DEFA4: variants seen among roughly 807,000 people sequenced by gnomAD.
DEFA4 encodes corticostatin.
DEFA4 carries 8 observed loss-of-function variants against 4.4 expected under a neutral mutation model. The observed-to-expected ratio is 1.82, with a 90% confidence interval of 1.07 to 3.29. The LOEUF is 3.29. Ranked by LOEUF, DEFA4 falls within the 30% of genes most tolerant of loss-of-function variation. The pLI is 0.00. For synonymous variants in DEFA4, 77 were observed against 46.5 expected (o/e 1.66, Z -2.67); for missense variants, 216 against 127.0 (o/e 1.70, Z -3.37).
At chr8:6,936,176 C>T (rs752817815) in intron 2 of DEFA4, 35 bp from the exon 3 acceptor site, 2 of 1,610,554 alleles carry the variant, frequency 1.2e-6, no homozygotes, top group East Asian at 2.2e-5. Context: ...AAATTAAGCA[C>T]CAAGGTCAGC....
In DEFA4 at chr8:6,936,956, C is replaced by T. The variant is rs1351672032; in HGVS notation, c.-12-45G>A. The T allele has an allele frequency of 4.2e-6, 6 of 1,435,478 alleles. No homozygotes were observed. In the African/African-American group the frequency reaches 5.8e-5, roughly 14 times the overall value. The allele number at this position is 1,435,478 out of a possible 1,614,324, so 88.9% of individuals were successfully genotyped here. The stretch of plus-strand genomic sequence containing the variant: ...AGCAGCTGTGTGGGGAGGGAGAAGC[C>T]AGCTTGGATTTATAGCTTTGCTGGG... On this transcript the variant is annotated intron_variant, in intron 1 of 2. Coordinates refer to ENST00000297435, the MANE Select transcript of DEFA4 (RefSeq NM_001925.3).
chr8:6,936,618 A>T, intron 2 of DEFA4, 110 bp downstream of exon 2: 1 of 1,141,996 alleles, frequency 8.8e-7, no homozygotes, highest in Non-Finnish European at 1.2e-6. Flanking sequence ...AGGCCCAGAG[A>T]TGGTAAGTAA....
rs778407528 is a variant in DEFA4, at chr8:6,936,752, T to C, written c.148A>G (p.Lys50Glu). The change falls in exon 2 of 3, where the codon AAA becomes GAA. Residue 50 changes from lysine to glutamate, a missense_variant. Lys to Glu is a moderately conservative substitution (Grantham distance 56). Transcript: ENST00000297435. ...CCTGAAACCTGAAGAGCAGAGCTTT[T>C]ATCCCATGCAAAGGAAATAGATATG... ...QDISISFAWD[K>E]SSALQVSGST... The C allele has an allele frequency of 1.1e-5, 17 of 1,610,504 alleles. No individual in the cohort carries two copies. The highest frequency in any genetic ancestry group is 1.6e-4 in the Middle Eastern group (1 of 6,078).
rs567102077 is a variant in DEFA4 at position 6,938,015 on chromosome 8, C to T, written c.-13+211G>A. Among the ~76,000 whole-genome samples, 7 of 152,180 alleles carry T rather than the reference C, an allele frequency of 4.6e-5. No individual in the cohort carries two copies. The South Asian group carries it at 6.2e-4, about 14-fold the overall frequency. ...TTTATTGGACATGTCAAGTAGGACA[C>T]GTGTGTTTGGAAGGAAACTTTTTGA... On this transcript the variant is annotated intron_variant, in intron 1 of 2. Transcript: ENST00000297435.
rs1233384529 is a variant in DEFA4 at position 6,935,843 on chromosome 8, TA to T, written c.*176del. On this transcript the variant is annotated 3_prime_UTR_variant, in exon 3 of 3. Transcript: ENST00000297435. ...GACATCTTGTTACGAGATATATATTTAGGATCAAGAAAGATGTTAAGGACAA... is the reference window on the plus strand; with the variant it reads ...GACATCTTGTTACGAGATATATATTTGGATCAAGAAAGATGTTAAGGACAA... 83 of 765,680 alleles carry T rather than the reference TA, an allele frequency of 1.1e-4. No individual in the cohort carries two copies. The African/African-American group carries it at 1.4e-3, about 12-fold the overall frequency. 47.4% of individuals were successfully genotyped at this position (765,680 alleles called of 1,614,324 possible). A position where few individuals can be genotyped will look rare whatever the true frequency, so the allele number is the denominator to read the frequency against.
chr8:6,936,992 G>A, intron 1 of DEFA4, 81 bp from the exon 2 acceptor site: 1 of 1,269,442 alleles, frequency 7.9e-7, no homozygotes, highest in Non-Finnish European at 1.0e-6. Context: ...AGAAGGCACA[G>A]AGATAAGAAA....
At chr8:6,937,849 G>C (rs1231492098) in intron 1 of DEFA4, among the ~76,000 whole-genome samples, 2 of 152,266 alleles carry the variant, frequency 1.3e-5, no homozygotes, top group East Asian at 1.9e-4. Context: ...AGCCTACGTG[G>C]TAGAAGGGGT....
chr8:6,937,083 T>C (rs991100146), intron 1 of DEFA4, among the ~76,000 whole-genome samples, 172 bp from the exon 2 acceptor site: 6 of 152,134 alleles, frequency 3.9e-5, no homozygotes, highest in South Asian at 2.1e-4. Flanking sequence ...ATCCCTGGAA[T>C]GCTCCTCTGC....
intron 1 of DEFA4, among the ~76,000 whole-genome samples, chr8:6,937,600 ACT>A (rs1370111927): frequency 6.6e-6 from 1 of 152,150 alleles, no homozygotes; most frequent in Non-Finnish European, 1.5e-5. Context: ...TGGATTGAAG[ACT>A]CAACATAGAC....
Position 6,937,781 on chromosome 8 carries a change from A to G in DEFA4, c.-13+445T>C, listed in dbSNP as rs889958719. Among the ~76,000 whole-genome samples the G allele has an allele frequency of 6.3e-4, 96 of 152,170 alleles. 2 individuals are homozygous for G. Among genetic ancestry groups the G allele is most frequent in the African/African-American group, 2.2e-3 (90 of 41,458 alleles). On this transcript the variant is annotated intron_variant, in intron 1 of 2. Transcript: ENST00000297435. ...TGAACGCTAAAGCATCTTCATAGCAAAGGAAACAATCAACTGAGGGAAACG... is the reference window on the plus strand; with the variant it reads ...TGAACGCTAAAGCATCTTCATAGCAGAGGAAACAATCAACTGAGGGAAACG...
chr8:6,937,201 T>G (rs1043762245), intron 1 of DEFA4, among the ~76,000 whole-genome samples: 1 of 152,192 alleles, frequency 6.6e-6, no homozygotes, highest in Non-Finnish European at 1.5e-5. Flanking sequence ...AGGAAATACC[T>G]AATATTTCCT....
rs1235613802 is a variant in DEFA4 at position 6,935,967 on chromosome 8, A to G, written c.*53T>C. On this transcript the variant is annotated 3_prime_UTR_variant, in exon 3 of 3. Transcript: ENST00000297435. ...CTCAGCTGCAGAAGCATGTGAAGCT[A>G]ACACCACCGATGATGGCGTTCCCAG... The G allele has an allele frequency of 6.2e-7, 1 of 1,611,116 alleles. No homozygotes were observed. The highest frequency in any genetic ancestry group is 2.2e-5 in the East Asian group (1 of 44,840).
chr8:6,936,222 G>C (rs998574720), intron 2 of DEFA4, 81 bp from the exon 3 acceptor site: 15 of 1,576,574 alleles, frequency 9.5e-6, no homozygotes, highest in Admixed American at 6.8e-5. Context: ...GAAGTCACAT[G>C]CTGGCTGACC....
At position 6,935,833 on chromosome 8, in the gene DEFA4, G is replaced by T. The variant is rs1585040309; in HGVS notation, c.*187C>A. The T allele has an allele frequency of 1.4e-6, 1 of 711,434 alleles. No individual in the cohort carries two copies. Among genetic ancestry groups the T allele is most frequent in the Non-Finnish European group, 2.3e-6 (1 of 427,606 alleles). 44.1% of individuals were successfully genotyped at this position (711,434 alleles called of 1,614,324 possible). On this transcript the variant is annotated 3_prime_UTR_variant, in exon 3 of 3. Coordinates refer to ENST00000297435, the MANE Select transcript of DEFA4 (RefSeq NM_001925.3). ...TGTAAACAAAGACATCTTGTTACGA[G>T]ATATATATTTAGGATCAAGAAAGAT... is the stretch of plus-strand genomic sequence containing the variant.
At chr8:6,937,857 G>C (rs990663517) in intron 1 of DEFA4, among the ~76,000 whole-genome samples, 1 of 151,988 alleles carries the variant, frequency 6.6e-6, no homozygotes, top group Non-Finnish European at 1.5e-5. Context: ...TGGTAGAAGG[G>C]GTAAATATCT....
chr8:6,936,049 A>G lies in DEFA4; in HGVS notation c.265T>C (p.Phe89Leu), dbSNP rs1808833571. 3 of 1,613,862 alleles carry G rather than the reference A, an allele frequency of 1.9e-6. No homozygotes were observed. Among genetic ancestry groups the G allele is most frequent in the Non-Finnish European group, 2.5e-6 (3 of 1,179,888 alleles). ...TCGACACGCGTGCAGCAGTATGTGAAACTCACACCACCAATGAGGCAGTTC... is the reference window on the plus strand; with the variant it reads ...TCGACACGCGTGCAGCAGTATGTGAGACTCACACCACCAATGAGGCAGTTC... ...VGNCLIGGVS[F>L]TYCCTRVD Residue 89 changes from phenylalanine to leucine, a missense_variant, in exon 3 of 3, where the codon TTC (phenylalanine) becomes CTC (leucine). Physicochemically the swap from Phe to Leu is conservative, Grantham distance 22. Transcript: ENST00000297435.
intron 2 of DEFA4, 121 bp from the exon 3 acceptor site, chr8:6,936,262 C>G (rs1563440881): frequency 8.0e-7 from 1 of 1,245,542 alleles, no homozygotes; most frequent in East Asian, 2.5e-5. Context: ...GTGCCGGTAG[C>G]ACAAACAACC....
rs199954227 is a variant in DEFA4, at chr8:6,936,879, G to C, written c.21C>G (p.Leu7=). 6 of 1,608,522 alleles carry C rather than the reference G, an allele frequency of 3.7e-6. No homozygotes were observed. The South Asian group carries it at 4.4e-5, about 12-fold the overall frequency. Residue 7 remains leucine (L), a synonymous_variant, in exon 2 of 3, where the codon CTC becomes CTG. Transcript: ENST00000297435. MRIIAL[L]AAILLVALQV... is the part of the protein sequence containing the mutation. ...GGAGGGCTACCAAGAGAATAGCAGC[G>C]AGGAGGGCGATAATCCTCATGGCTG... is the stretch of plus-strand genomic sequence containing the variant.
At position 6,935,989 on chromosome 8, in the gene DEFA4, C is replaced by T; in HGVS notation, c.*31G>A. 1.2e-6 allele frequency: 2 copies of T among 1,612,142 alleles called. No individual in the cohort carries two copies. Among genetic ancestry groups the T allele is most frequent in the Non-Finnish European group, 1.7e-6 (2 of 1,178,426 alleles). On this transcript the variant is annotated 3_prime_UTR_variant, in exon 3 of 3. Transcript: ENST00000297435. ...GCTAACACCACCGATGATGGCGTTC[C>T]CAGCATGACATTCTCTTGGACAGCA...
Sources: gnomAD v4.1 joint callset for allele counts (sites outside exome capture counted in the v4.1 genomes callset) on GRCh38, gnomAD v4.1.1 for gene constraint, MANE v1.5 for transcripts, NCBI Gene and HGNC (gene_info 2026-07-23, HGNC 2026-07-21) for gene names.